The following C12orf42 variants were observed in gnomAD, a reference collection of about 807,000 sequenced individuals.
C12orf42 encodes uncharacterized protein C12orf42.
In C12orf42, 25 loss-of-function variants were observed where a neutral mutation model predicts 21.6. The observed-to-expected ratio is 1.16, with a 90% CI of 0.84 to 1.62. C12orf42 has a LOEUF of 1.62. Among genes scored for constraint, C12orf42 ranks in the 40% most tolerant of loss-of-function variants. C12orf42 has a pLI of 0.00. For synonymous variants in C12orf42, 174 were observed against 175.0 expected (o/e 0.99, Z 0.05); for missense variants, 483 against 459.3 (o/e 1.05, Z -0.47).
chr12:103,432,828 A>C (rs1024353239), intron 2 of C12orf42, among the ~76,000 whole-genome samples: 6 of 152,324 alleles, frequency 3.9e-5, no homozygotes, highest in Admixed American at 3.9e-4. Context: ...GGCCATCAGC[A>C]AGACAGAGGC....
At chr12:103,539,993 TTTTTTG>T in the C12orf42 span, among the ~76,000 whole-genome samples, 114 of 150,922 alleles carry the variant, frequency 7.6e-4, 1 homozygote, top group East Asian at 2.3e-3. Context: ...CATGAGGTCG[TTTTTTG>T]TTTTTGTTTT....
intron 3 of C12orf42, among the ~76,000 whole-genome samples, chr12:103,379,342 T>G (rs1000290466): frequency 2.0e-5 from 3 of 152,138 alleles, no homozygotes; most frequent in Non-Finnish European, 4.4e-5. Flanking sequence ...TATTCTATGC[T>G]GCAAAAAGAG....
In C12orf42 at chr12:103,241,444, T is replaced by TC. The variant is rs1193046556; in HGVS notation, c.*1367-3543dup. Among the ~76,000 whole-genome samples, 3 of 152,104 alleles carry TC rather than the reference T, an allele frequency of 2.0e-5. No homozygotes were observed. The East Asian group carries it at 5.8e-4, about 29-fold the overall frequency. The stretch of plus-strand genomic sequence containing the variant: ...GCTGCACCTGCCATTTGGACCACTC[T>TC]CCATGGGCAATTTGAAAAATATCTG... On this transcript the variant is annotated intron_variant and NMD_transcript_variant, in intron 10 of 10. Coordinates refer to the C12orf42 transcript ENST00000547347.
chr12:103,562,789 G>C, the C12orf42 span, among the ~76,000 whole-genome samples: 1 of 152,156 alleles, frequency 6.6e-6, no homozygotes, highest in Non-Finnish European at 1.5e-5. Flanking sequence ...TGAAATAACT[G>C]CTTACTTTTC....
intron 1 of C12orf42, among the ~76,000 whole-genome samples, chr12:103,483,094 T>C (rs1954584128): frequency 6.6e-6 from 1 of 152,218 alleles, no homozygotes; most frequent in Non-Finnish European, 1.5e-5. Context: ...TTCTGTTGTC[T>C]CTCAGACTAC....
At chr12:103,307,752 A>G (rs766604295) in intron 4 of C12orf42, among the ~76,000 whole-genome samples, 2 of 152,024 alleles carry the variant, frequency 1.3e-5, no homozygotes, top group Non-Finnish European at 2.9e-5. Context: ...AGGGGCATGC[A>G]CATGTGTGCA....
downstream of C12orf42, among the ~76,000 whole-genome samples, chr12:103,235,391 A>T (rs2033437171): frequency 6.6e-6 from 1 of 152,166 alleles, no homozygotes; most frequent in Non-Finnish European, 1.5e-5. Flanking sequence ...TTTCTTTCCA[A>T]CTTAAAATTT....
chr12:103,457,144 T>C (rs751729569), intron 2 of C12orf42, among the ~76,000 whole-genome samples: 5 of 152,318 alleles, frequency 3.3e-5, no homozygotes, highest in Non-Finnish European at 7.4e-5. Flanking sequence ...TGGACTTTGT[T>C]ACTTTGAAAC....
At chr12:103,362,830 C>T (rs375000669) in intron 4 of C12orf42, among the ~76,000 whole-genome samples, 1 of 151,852 alleles carries the variant, frequency 6.6e-6, no homozygotes, top group African/African-American at 2.4e-5. Flanking sequence ...TGAACAACAC[C>T]TCCAAGAAGT....
intron 3 of C12orf42, among the ~76,000 whole-genome samples, chr12:103,371,617 C>T (rs977144942): frequency 6.6e-6 from 1 of 152,102 alleles, no homozygotes; most frequent in Non-Finnish European, 1.5e-5. Flanking sequence ...GGAACAGCAG[C>T]GATTCCAAGA....
intron 3 of C12orf42, among the ~76,000 whole-genome samples, chr12:103,390,026 A>C (rs1435315893): frequency 6.6e-6 from 1 of 152,170 alleles, no homozygotes; most frequent in African/African-American, 2.4e-5. Flanking sequence ...CTAGGTACAC[A>C]ACACTAGATT....
the C12orf42 span, among the ~76,000 whole-genome samples, chr12:103,091,683 C>A: frequency 3.9e-5 from 6 of 152,130 alleles, no homozygotes; most frequent in African/African-American, 1.4e-4. Context: ...GCATCAGTTA[C>A]CTAGTTTAGA....
chr12:103,238,142 C>T lies in C12orf42; in HGVS notation c.*1367-240G>A, dbSNP rs74575444. On this transcript the variant is annotated intron_variant and NMD_transcript_variant, in intron 10 of 10. Transcript: ENST00000547347. ...TGTAAGTAAAATTCTACTGAACTCC[C>T]CAGAGTAGAGTAGGAAGGGACATGG... 0.012 allele frequency among the ~76,000 whole-genome samples: 1,792 copies of T among 151,896 alleles called. 103 individuals carry two copies. The East Asian group carries it at 0.2, about 17-fold the overall frequency.
chr12:103,179,007 G>T, the C12orf42 span, among the ~76,000 whole-genome samples: 1 of 152,138 alleles, frequency 6.6e-6, no homozygotes, highest in Admixed American at 6.5e-5. Context: ...GAACAACTCT[G>T]CTTCAATCTG....
intron 2 of C12orf42, among the ~76,000 whole-genome samples, chr12:103,460,209 A>C (rs961156429): frequency 9.2e-5 from 14 of 151,752 alleles, no homozygotes; most frequent in Admixed American, 7.2e-4. Flanking sequence ...TGATTCACGG[A>C]CCTTTGTTTG....
the C12orf42 span, among the ~76,000 whole-genome samples, chr12:103,137,313 A>G: frequency 6.6e-6 from 1 of 152,074 alleles, no homozygotes; most frequent in Non-Finnish European, 1.5e-5. Flanking sequence ...TCAAAACCAC[A>G]GCGAGATATC....
intron 10 of C12orf42, among the ~76,000 whole-genome samples, chr12:103,260,905 CCT>C (rs1308102093): frequency 7.2e-5 from 11 of 152,052 alleles, no homozygotes; most frequent in African/African-American, 2.4e-4. Context: ...TTAGTTGTCC[CCT>C]GAGTAGTCAT....
intron 2 of C12orf42, among the ~76,000 whole-genome samples, chr12:103,420,571 C>G (rs567926284): frequency 1.3e-5 from 2 of 151,762 alleles, no homozygotes; most frequent in East Asian, 3.9e-4. Context: ...TTTTTTTTAC[C>G]CAGGCTGGAG....
intron 3 of C12orf42, chr12:103,378,792 T>C (rs1210430549): frequency 6.6e-6 from 1 of 152,166 alleles, no homozygotes; most frequent in Non-Finnish European, 1.5e-5. Flanking sequence ...AATAGCTTGA[T>C]CTGGAAAATG....
Sources: allele counts gnomAD v4.1 joint callset (sites outside exome capture counted in the v4.1 genomes callset), GRCh38; gene constraint gnomAD v4.1.1; transcripts MANE v1.5; gene names NCBI Gene and HGNC (gene_info 2026-07-23, HGNC 2026-07-21).